LPP: variants seen among roughly 807,000 people sequenced by gnomAD.
LPP encodes lipoma-preferred partner.
Under a neutral mutation model 60.4 loss-of-function variants are expected in LPP, and 38 were observed. The observed-to-expected ratio is 0.63, with a 90% CI of 0.49 to 0.83. LPP has a LOEUF of 0.83. LPP is among the 40% of genes least tolerant of loss of function. The probability of loss-of-function intolerance (pLI) is 0.00; values close to 1 mark genes in which losing one functional copy is unlikely to be tolerated. For missense variants in LPP, 902 were observed against 783.6 expected, an observed-to-expected ratio of 1.15 and a Z score of -1.80; for synonymous variants, 328 against 290.8, an observed-to-expected ratio of 1.13 and a Z score of -1.30.
At chr3:188,202,151 G>A (rs1010294065) in intron 1 of LPP, among the ~76,000 whole-genome samples, 1 of 151,822 alleles carries the variant, frequency 6.6e-6, no homozygotes, top group Admixed American at 6.6e-5. Context: ...GTCCTTGAGA[G>A]CAGAAACGTA....
intron 9 of LPP, among the ~76,000 whole-genome samples, chr3:188,841,082 G>A (rs920401136): frequency 3.3e-5 from 5 of 152,160 alleles, no homozygotes; most frequent in African/African-American, 1.2e-4. Flanking sequence ...AGACCACCAG[G>A]GCTGTAGTTA....
At chr3:188,820,511 T>G (rs945812838) in intron 9 of LPP, among the ~76,000 whole-genome samples, 14 of 152,128 alleles carry the variant, frequency 9.2e-5, no homozygotes, top group Non-Finnish European at 1.5e-4. Context: ...TACACACCAA[T>G]GTTCTTGTCC....
chr3:188,771,410 G>A (rs1735922799), intron 9 of LPP, among the ~76,000 whole-genome samples: 1 of 151,862 alleles, frequency 6.6e-6, no homozygotes, highest in South Asian at 2.1e-4. Flanking sequence ...TTAGCTGAAT[G>A]TGGTGGCACA....
At chr3:188,758,192 C>T (rs571615723) in intron 8 of LPP, among the ~76,000 whole-genome samples, 3 of 152,204 alleles carry the variant, frequency 2.0e-5, no homozygotes, top group East Asian at 1.9e-4. Flanking sequence ...GATGAAGTCT[C>T]GCTCTGTCAC....
intron 6 of LPP, among the ~76,000 whole-genome samples, chr3:188,547,493 T>C (rs1826960728): frequency 6.6e-6 from 1 of 152,212 alleles, no homozygotes; most frequent in Admixed American, 6.6e-5. Flanking sequence ...CTTCCCTCTT[T>C]TTATAAAGCT....
chr3:188,593,477 A>T (rs1014155190), intron 6 of LPP, among the ~76,000 whole-genome samples: 2 of 152,006 alleles, frequency 1.3e-5, no homozygotes, highest in Non-Finnish European at 2.9e-5. Flanking sequence ...ATTGGGGTAT[A>T]GGTGGTATTT....
chr3:188,738,627 T>G (rs184619548), intron 8 of LPP, among the ~76,000 whole-genome samples: 2 of 152,300 alleles, frequency 1.3e-5, no homozygotes, highest in African/African-American at 2.4e-5. Context: ...AAGTGTGGGC[T>G]GCTTTTCATC....
At chr3:188,158,885 G>C (rs753590117) in intron 1 of LPP, among the ~76,000 whole-genome samples, 1 of 152,154 alleles carries the variant, frequency 6.6e-6, no homozygotes, top group Non-Finnish European at 1.5e-5. Context: ...CACATTCGTG[G>C]GGCCCTAGTG....
intron 3 of LPP, among the ~76,000 whole-genome samples, chr3:188,390,228 G>C (rs997484088): frequency 3.3e-5 from 5 of 152,050 alleles, no homozygotes. Context: ...TGACAGAGCC[G>C]AGCTGGTTTC....
intron 2 of LPP, among the ~76,000 whole-genome samples, chr3:188,337,662 T>A (rs1762022409): frequency 6.6e-6 from 1 of 152,160 alleles, no homozygotes; most frequent in Admixed American, 6.5e-5. Flanking sequence ...TTTTAGTTCA[T>A]CTTTTTGTTT....
chr3:188,679,435 A>C (rs1052978875), intron 7 of LPP, among the ~76,000 whole-genome samples: 1 of 150,936 alleles, frequency 6.6e-6, no homozygotes, highest in African/African-American at 2.4e-5. Context: ...TCCTTTTGCC[A>C]CTCCTGTGGA....
At chr3:188,248,050 A>G (rs1256861959) in intron 2 of LPP, among the ~76,000 whole-genome samples, 1 of 152,076 alleles carries the variant, frequency 6.6e-6, no homozygotes, top group Non-Finnish European at 1.5e-5. Context: ...GTTTAGAACT[A>G]TTGATCTAGT....
chr3:188,424,427 G>A (rs2149075329), intron 4 of LPP, among the ~76,000 whole-genome samples: 1 of 151,730 alleles, frequency 6.6e-6, no homozygotes, highest in East Asian at 1.9e-4. Context: ...AGGATTGTTG[G>A]GTCTATATGG....
At chr3:188,734,300 T>A (rs1413734174) in intron 8 of LPP, among the ~76,000 whole-genome samples, 2 of 152,240 alleles carry the variant, frequency 1.3e-5, no homozygotes, top group African/African-American at 4.8e-5. Flanking sequence ...ATTATTTTTA[T>A]CAAAAAATGT....
chr3:188,648,627 A>G (rs1851532154), intron 7 of LPP, among the ~76,000 whole-genome samples: 1 of 152,084 alleles, frequency 6.6e-6, no homozygotes, highest in Non-Finnish European at 1.5e-5. Flanking sequence ...TCTAGCCTTC[A>G]TACTTCTTGA....
intron 2 of LPP, among the ~76,000 whole-genome samples, chr3:188,266,206 T>C (rs1008400716): frequency 3.3e-5 from 5 of 152,028 alleles, no homozygotes; most frequent in African/African-American, 1.2e-4. Context: ...CTCCCCTCCC[T>C]AAAATAAATA....
chr3:188,798,403 A>G (rs1746020106), intron 9 of LPP, among the ~76,000 whole-genome samples: 1 of 152,062 alleles, frequency 6.6e-6, no homozygotes, highest in South Asian at 2.1e-4. Flanking sequence ...AATCTAGCCC[A>G]CTCTAGGAAC....
At chr3:188,462,544 TTATATATATATATA>T (rs71167102) in intron 4 of LPP, among the ~76,000 whole-genome samples, 1,374 of 34,202 alleles carry the variant, frequency 0.04, 63 homozygotes, top group African/African-American at 0.095. Context: ...TATATGAGCT[TTATATATATATATA>T]TATATATATA....
intron 9 of LPP, among the ~76,000 whole-genome samples, chr3:188,761,397 A>G: frequency 6.6e-6 from 1 of 152,216 alleles, no homozygotes; most frequent in East Asian, 1.9e-4. Flanking sequence ...ATGGCTTTGC[A>G]TCTGTCTTAG....
Sources: allele counts gnomAD v4.1 joint callset (sites outside exome capture counted in the v4.1 genomes callset), GRCh38; gene constraint gnomAD v4.1.1; transcripts MANE v1.5; gene names NCBI Gene and HGNC (gene_info 2026-07-23, HGNC 2026-07-21).